ARHGAP26: variants seen among roughly 807,000 people sequenced by gnomAD.
ARHGAP26 encodes Rho GTPase activating protein 26.
Under a neutral mutation model 104.8 loss-of-function variants are expected in ARHGAP26, and 38 were observed. The observed-to-expected ratio is 0.36, with a 90% confidence interval of 0.28 to 0.48. The LOEUF is 0.48. ARHGAP26 is among the 20% of genes least tolerant of loss of function. The pLI, the probability that ARHGAP26 is intolerant of heterozygous loss-of-function variation, is 0.99. For synonymous variants in ARHGAP26, 341 were observed against 340.0 expected, an observed-to-expected ratio of 1.00 and a Z score of -0.03; for missense variants, 704 against 947.9, an observed-to-expected ratio of 0.74 and a Z score of 3.38.
intron 14 of ARHGAP26, among the ~76,000 whole-genome samples, chr5:143,050,466 C>T (rs372760663): frequency 3.1e-4 from 47 of 152,236 alleles, no homozygotes; most frequent in African/African-American, 8.4e-4. Flanking sequence ...ACCCACTTAC[C>T]GCCGATCCAG....
intron 1 of ARHGAP26, among the ~76,000 whole-genome samples, chr5:142,806,256 G>T (rs2151988300): frequency 6.6e-6 from 1 of 152,186 alleles, no homozygotes; most frequent in South Asian, 2.1e-4. Flanking sequence ...CCAGGCCCAT[G>T]TATTTTTTTA....
intron 6 of ARHGAP26, among the ~76,000 whole-genome samples, chr5:142,900,780 G>A (rs1760217876): frequency 1.3e-5 from 2 of 152,044 alleles, no homozygotes; most frequent in South Asian, 4.1e-4. Context: ...ATCATTTAGG[G>A]ACTGAAAATC....
chr5:143,221,125 A>G (rs547203767), intron 22 of ARHGAP26, among the ~76,000 whole-genome samples: 5 of 152,318 alleles, frequency 3.3e-5, no homozygotes, highest in South Asian at 2.1e-4. Context: ...CCCACCTCTT[A>G]GTCCCATGAT....
intron 10 of ARHGAP26, among the ~76,000 whole-genome samples, chr5:142,923,076 C>T (rs1330406731): frequency 7.2e-6 from 1 of 138,210 alleles, no homozygotes; most frequent in East Asian, 2.4e-4. Context: ...GTAGTTTGAA[C>T]TTGTCATGGA....
intron 11 of ARHGAP26, among the ~76,000 whole-genome samples, chr5:142,982,185 A>G (rs1774039553): frequency 6.6e-6 from 1 of 152,190 alleles, no homozygotes; most frequent in Non-Finnish European, 1.5e-5. Flanking sequence ...CCCATCCCCC[A>G]AGGCAAAGGT....
At chr5:143,065,025 C>G (rs1261846577) in intron 17 of ARHGAP26, among the ~76,000 whole-genome samples, 1 of 152,142 alleles carries the variant, frequency 6.6e-6, no homozygotes, top group Non-Finnish European at 1.5e-5. Flanking sequence ...TTTTCTGATT[C>G]ATCTCTTCCT....
chr5:142,906,056 T>C (rs1412589641), intron 8 of ARHGAP26, among the ~76,000 whole-genome samples: 1 of 152,214 alleles, frequency 6.6e-6, no homozygotes, highest in Non-Finnish European at 1.5e-5. Flanking sequence ...CCAGTTCCTT[T>C]ATACAGTTTT....
At chr5:142,785,573 G>A (rs1338515314) in intron 1 of ARHGAP26, among the ~76,000 whole-genome samples, 1 of 152,150 alleles carries the variant, frequency 6.6e-6, no homozygotes, top group Non-Finnish European at 1.5e-5. Flanking sequence ...AATCCAGTAG[G>A]TAGATGCATT....
intron 17 of ARHGAP26, among the ~76,000 whole-genome samples, chr5:143,081,412 G>C (rs1789790300): frequency 6.6e-6 from 1 of 152,164 alleles, no homozygotes; most frequent in African/African-American, 2.4e-5. Flanking sequence ...ACGCTGTTTG[G>C]GGAATATATT....
intron 14 of ARHGAP26, among the ~76,000 whole-genome samples, chr5:143,053,235 C>G (rs1785291773): frequency 6.6e-6 from 1 of 152,144 alleles, no homozygotes. Flanking sequence ...CATCCCTCAT[C>G]CAGGCACTGA....
chr5:143,163,079 C>T (rs771652322), intron 20 of ARHGAP26, among the ~76,000 whole-genome samples: 1 of 152,120 alleles, frequency 6.6e-6, no homozygotes, highest in Non-Finnish European at 1.5e-5. Flanking sequence ...TGCACCACTG[C>T]ACTCCAGCCT....
intron 22 of ARHGAP26, among the ~76,000 whole-genome samples, chr5:143,218,210 A>T (rs1810624016): frequency 1.3e-5 from 2 of 152,134 alleles, no homozygotes; most frequent in African/African-American, 4.8e-5. Flanking sequence ...GATGCACACC[A>T]CTGTTCTAAA....
chr5:143,194,055 C>G (rs1333660057), intron 20 of ARHGAP26: 4 of 152,134 alleles, frequency 2.6e-5, no homozygotes, highest in Non-Finnish European at 4.4e-5. Context: ...GTGAAATCAG[C>G]AGGACACTGG....
intron 11 of ARHGAP26, among the ~76,000 whole-genome samples, chr5:142,960,471 C>T (rs1309569285): frequency 2.0e-5 from 3 of 152,212 alleles, no homozygotes; most frequent in African/African-American, 4.8e-5. Flanking sequence ...TCGCCCAGAG[C>T]GTGAATCATC....
intron 11 of ARHGAP26, among the ~76,000 whole-genome samples, chr5:142,947,781 C>T (rs1767385734): frequency 6.6e-6 from 1 of 152,170 alleles, no homozygotes; most frequent in Non-Finnish European, 1.5e-5. Context: ...CTTTCTTGTT[C>T]TTCACTATAA....
chr5:142,849,784 G>C (rs935718097), intron 1 of ARHGAP26, among the ~76,000 whole-genome samples: 2 of 152,072 alleles, frequency 1.3e-5, no homozygotes, highest in Non-Finnish European at 2.9e-5. Context: ...CAATCCTGCC[G>C]TGTTTCTGTC....
chr5:143,057,999 T>C (rs1398560739), intron 17 of ARHGAP26: 1 of 639,392 alleles, frequency 1.6e-6, no homozygotes, highest in Non-Finnish European at 3.0e-6. Flanking sequence ...AGGGGGATTT[T>C]ACCTATGGTG....
intron 4 of ARHGAP26, among the ~76,000 whole-genome samples, chr5:142,880,699 G>T (rs1239378622): frequency 6.6e-6 from 1 of 150,992 alleles, no homozygotes; most frequent in Non-Finnish European, 1.5e-5. Flanking sequence ...CACCTGCAGG[G>T]GCTTTTGGGC....
At chr5:142,848,408 C>T (rs1399434058) in intron 1 of ARHGAP26, among the ~76,000 whole-genome samples, 1 of 152,130 alleles carries the variant, frequency 6.6e-6, no homozygotes, top group Non-Finnish European at 1.5e-5. Context: ...AAGTGAATAG[C>T]GTGTGTGGCC....
Sources: allele counts gnomAD v4.1 joint callset (sites outside exome capture counted in the v4.1 genomes callset), GRCh38; gene constraint gnomAD v4.1.1; transcripts MANE v1.5; gene names NCBI Gene and HGNC (gene_info 2026-07-23, HGNC 2026-07-21).